Variants in ITSN1 observed in about 807,000 individuals in gnomAD.
ITSN1 encodes intersectin-1.
Under a neutral mutation model 239.8 loss-of-function variants are expected in ITSN1, and 58 were observed. That is an observed-to-expected ratio of 0.24 (90% confidence interval 0.20 to 0.30). The LOEUF is 0.30. ITSN1 is among the 10% of genes least tolerant of loss of function. The pLI, the probability that ITSN1 is intolerant of heterozygous loss-of-function variation, is 1.00. For synonymous variants in ITSN1, 780 were observed against 770.8 expected (o/e 1.01, Z -0.20); for missense variants, 1,558 against 2,103.3 (o/e 0.74, Z 5.07).
chr21:33,685,902 TAAA>T (rs1308234943), intron 1 of ITSN1, among the ~76,000 whole-genome samples: 1 of 152,206 alleles, frequency 6.6e-6, no homozygotes, highest in African/African-American at 2.4e-5. Context: ...TTTTACTTCT[TAAA>T]AAAGTAGATT....
At chr21:33,872,354 A>G (rs141320006) in intron 33 of ITSN1, among the ~76,000 whole-genome samples, 75 of 152,364 alleles carry the variant, frequency 4.9e-4, no homozygotes, top group Non-Finnish European at 8.7e-4. Context: ...ATTGTGCTCA[A>G]TAACGTGCTC....
Position 33,897,256 on chromosome 21 carries a change from G to GCC in ITSN1, c.*8959_*8960dup, listed in dbSNP as rs761752495. On this transcript the variant is annotated 3_prime_UTR_variant, in exon 40 of 40. Transcript: ENST00000381318. ...TCAACCTCAGATCTCATCTGCTGTA[G>GCC]CCCCGCAAGCCGGAGTCTGTGCCCT... 6.6e-6 allele frequency: 1 copy of GCC among 152,288 alleles called. No homozygotes were observed. Among genetic ancestry groups the GCC allele is most frequent in the Non-Finnish European group, 1.5e-5 (1 of 68,044 alleles). The allele number at this position is 152,288 out of a possible 1,614,324, so 9.4% of individuals were successfully genotyped here.
At chr21:33,698,430 T>A (rs1197134728) in intron 1 of ITSN1, among the ~76,000 whole-genome samples, 2 of 152,236 alleles carry the variant, frequency 1.3e-5, no homozygotes, top group Non-Finnish European at 2.9e-5. Flanking sequence ...TGATAGTTTG[T>A]CAGATATAAT....
chr21:33,690,845 G>GT (rs2091510641), intron 1 of ITSN1, among the ~76,000 whole-genome samples: 1 of 34,834 alleles, frequency 2.9e-5, no homozygotes, highest in South Asian at 8.7e-4. Flanking sequence ...ATATGTAAAA[G>GT]TTAAAAAAAA....
chr21:33,697,234 A>T (rs1213851586), intron 1 of ITSN1, among the ~76,000 whole-genome samples: 3 of 121,706 alleles, frequency 2.5e-5, no homozygotes, highest in Non-Finnish European at 4.9e-5. Flanking sequence ...CACCTGGCTA[A>T]TTTTTTTTTT....
chr21:33,726,441 G>C, intron 4 of ITSN1, among the ~76,000 whole-genome samples: 1 of 151,844 alleles, frequency 6.6e-6, no homozygotes, highest in African/African-American at 2.4e-5. Flanking sequence ...CGGAAGAATG[G>C]GTTTGACTCT....
intron 16 of ITSN1, among the ~76,000 whole-genome samples, chr21:33,790,095 C>T (rs1602248947): frequency 6.6e-6 from 1 of 152,088 alleles, no homozygotes; most frequent in Non-Finnish European, 1.5e-5. Flanking sequence ...TGATCAAAGA[C>T]CCCTTGAGAC....
At chr21:33,744,048 A>G (rs970629372) in intron 5 of ITSN1, among the ~76,000 whole-genome samples, 1 of 152,268 alleles carries the variant, frequency 6.6e-6, no homozygotes, top group South Asian at 2.1e-4. Context: ...GATGGTGAGC[A>G]CTAAATATAT....
At position 33,657,599 on chromosome 21, in the gene ITSN1, A is replaced by T. The variant is rs2089200306; in HGVS notation, c.-33+14886A>T. On this transcript the variant is annotated intron_variant, in intron 1 of 39. Coordinates refer to ENST00000381318, the MANE Select transcript of ITSN1 (RefSeq NM_003024.3). ...TGCATCGTGTAATGATGATGTTCTG[A>T]TAGGTGATTTTGTCTTTGTGCAAAC... 2.0e-5 allele frequency among the ~76,000 whole-genome samples: 3 copies of T among 151,932 alleles called. No individual in the cohort carries two copies. The South Asian group carries it at 6.2e-4, about 32-fold the overall frequency.
At chr21:33,840,001 CTG>C (rs1217320086) in intron 29 of ITSN1, among the ~76,000 whole-genome samples, 4 of 152,206 alleles carry the variant, frequency 2.6e-5, no homozygotes, top group African/African-American at 9.7e-5. Flanking sequence ...CCACTGGCCA[CTG>C]TGGTTAATGT....
intron 24 of ITSN1, 101 bp from the exon 25 acceptor site, chr21:33,823,386 T>G (rs2073800656): frequency 9.7e-7 from 1 of 1,034,948 alleles, no homozygotes; most frequent in Non-Finnish European, 1.5e-6. Flanking sequence ...TGAATGGATC[T>G]TGTCCTAACT....
At chr21:33,734,581 A>G (rs776381718) in intron 4 of ITSN1, among the ~76,000 whole-genome samples, 6 of 152,286 alleles carry the variant, frequency 3.9e-5, no homozygotes, top group Middle Eastern at 3.4e-3. Context: ...AAAGAATGCA[A>G]TCTAAGTATC....
intron 5 of ITSN1, among the ~76,000 whole-genome samples, chr21:33,740,406 A>G (rs1288672562): frequency 6.6e-6 from 1 of 152,224 alleles, no homozygotes; most frequent in Non-Finnish European, 1.5e-5. Context: ...TGAGGCTGAC[A>G]AAAGTGAAAT....
At position 33,875,307 on chromosome 21, in the gene ITSN1, G is replaced by A. The variant is rs2298681; in HGVS notation, c.4174-47G>A. On this transcript the variant is annotated intron_variant, in intron 33 of 39. Coordinates refer to ENST00000381318, the MANE Select transcript of ITSN1 (RefSeq NM_003024.3). ...CTGCAGGACCCTGGATCACAGGCCC[G>A]CCCACATTGCCTAAAAGGAGGTGGT... 0.53 allele frequency: 849,782 copies of A among 1,605,300 alleles called. 227,531 individuals carry two copies. Among genetic ancestry groups the A allele is most frequent in the African/African-American group, 0.72 (53,752 of 74,902 alleles).
intron 29 of ITSN1, among the ~76,000 whole-genome samples, chr21:33,843,615 CTCA>C (rs2148438221): frequency 6.6e-6 from 1 of 152,336 alleles, no homozygotes. Flanking sequence ...CTCCATTTCT[CTCA>C]TCATTTTGGA....
chr21:33,671,684 C>G (rs1031353852), intron 1 of ITSN1, among the ~76,000 whole-genome samples: 3 of 151,664 alleles, frequency 2.0e-5, no homozygotes, highest in Non-Finnish European at 4.4e-5. Flanking sequence ...CGCCTGTAAT[C>G]CGAGCTACTC....
intron 22 of ITSN1, among the ~76,000 whole-genome samples, chr21:33,816,456 A>G (rs1245084396): frequency 6.6e-6 from 1 of 152,154 alleles, no homozygotes; most frequent in Non-Finnish European, 1.5e-5. Flanking sequence ...TATCATCTCT[A>G]CTTTACAGAT....
At chr21:33,759,584 G>C (rs1006168107) in intron 8 of ITSN1, among the ~76,000 whole-genome samples, 1 of 152,108 alleles carries the variant, frequency 6.6e-6, no homozygotes, top group Non-Finnish European at 1.5e-5. Flanking sequence ...ACAGACTAAA[G>C]AAAGTGATGC....
rs1214231910 is a variant in ITSN1, at chr21:33,897,088, A to G, written c.*8788A>G. The G allele has an allele frequency of 3.3e-5, 5 of 152,258 alleles. No individual in the cohort carries two copies. Among genetic ancestry groups the G allele is most frequent in the Non-Finnish European group, 5.9e-5 (4 of 68,040 alleles). 9.4% of individuals were successfully genotyped at this position (152,258 alleles called of 1,614,324 possible). The stretch of plus-strand genomic sequence containing the variant: ...ACATTTGAGGTACATTCTATAAATC[A>G]ATATCCTTAAAATGTCATCTGCTAA... On this transcript the variant is annotated 3_prime_UTR_variant, in exon 40 of 40. Transcript: ENST00000381318.
Sources: gnomAD v4.1 joint callset for allele counts (sites outside exome capture counted in the v4.1 genomes callset) on GRCh38, gnomAD v4.1.1 for gene constraint, MANE v1.5 for transcripts, NCBI Gene and HGNC (gene_info 2026-07-23, HGNC 2026-07-21) for gene names.